The following TPRG1 variants were observed in gnomAD, a reference collection of about 807,000 sequenced individuals.
The protein encoded by TPRG1 is tumor protein p63 regulated 1, also known as tumor protein p63-regulated gene 1 protein.
TPRG1 carries 29 observed loss-of-function variants against 29.3 expected under a neutral mutation model. That is an observed-to-expected ratio of 0.99 (90% CI 0.74 to 1.35). TPRG1 has a LOEUF of 1.35. Ranked by LOEUF, TPRG1 falls within the 40% of genes most tolerant of loss-of-function variation. The pLI is 0.00. For missense variants in TPRG1, 327 were observed against 335.0 expected, an observed-to-expected ratio of 0.98 and a Z score of 0.19; for synonymous variants, 130 against 116.8, an observed-to-expected ratio of 1.11 and a Z score of -0.73.
intron 4 of TPRG1, among the ~76,000 whole-genome samples, chr3:189,279,501 G>A (rs1323703592): frequency 6.6e-6 from 1 of 152,018 alleles, no homozygotes; most frequent in African/African-American, 2.4e-5. Context: ...TTATCTATTT[G>A]GAGAAACTAA....
intron 4 of TPRG1, among the ~76,000 whole-genome samples, chr3:189,043,344 C>T (rs972083907): frequency 1.3e-5 from 2 of 152,126 alleles, no homozygotes; most frequent in African/African-American, 4.8e-5. Context: ...TGAGGAGTGT[C>T]AGATTGTGGA....
intron 5 of TPRG1, among the ~76,000 whole-genome samples, chr3:189,315,179 G>C (rs2109340845): frequency 6.6e-6 from 1 of 152,064 alleles, no homozygotes; most frequent in Middle Eastern, 3.4e-3. Context: ...AATGAGGACA[G>C]TTATTCAGAG....
chr3:189,005,904 T>C (rs1389538596), intron 3 of TPRG1, among the ~76,000 whole-genome samples: 1 of 152,018 alleles, frequency 6.6e-6, no homozygotes, highest in Non-Finnish European at 1.5e-5. Context: ...GGATGAAGCA[T>C]GTAACAGAAA....
intron 3 of TPRG1, among the ~76,000 whole-genome samples, chr3:189,017,246 T>C (rs1712991393): frequency 6.6e-6 from 1 of 151,582 alleles, no homozygotes; most frequent in Admixed American, 6.6e-5. Context: ...TATATTATTA[T>C]ACTTTAAGTT....
At chr3:189,038,614 T>G (rs1377160974) in intron 4 of TPRG1, among the ~76,000 whole-genome samples, 1 of 151,848 alleles carries the variant, frequency 6.6e-6, no homozygotes, top group Non-Finnish European at 1.5e-5. Context: ...GGGAAAAAAA[T>G]GAATGGATCT....
At chr3:189,271,328 G>C (rs1375307079) in intron 4 of TPRG1, among the ~76,000 whole-genome samples, 4 of 152,182 alleles carry the variant, frequency 2.6e-5, no homozygotes, top group Admixed American at 2.6e-4. Context: ...GATGGCCTTT[G>C]TCTGTCAGCA....
chr3:189,271,016 C>T (rs998153810), intron 4 of TPRG1, among the ~76,000 whole-genome samples: 3 of 152,148 alleles, frequency 2.0e-5, no homozygotes, highest in African/African-American at 2.4e-5. Context: ...TGATTGGGTA[C>T]ACACACAAAC....
intron 2 of TPRG1, among the ~76,000 whole-genome samples, chr3:189,212,626 T>C (rs1417381369): frequency 1.3e-5 from 2 of 152,170 alleles, no homozygotes. Context: ...ATATATTCCC[T>C]TCATTTTCAG....
intron 4 of TPRG1, among the ~76,000 whole-genome samples, chr3:189,046,324 C>T (rs1171984433): frequency 3.9e-5 from 6 of 152,150 alleles, no homozygotes; most frequent in Admixed American, 3.3e-4. Flanking sequence ...TAAGCACAGT[C>T]GGTGTGAACT....
At chr3:189,239,081 G>A in intron 4 of TPRG1, 172 bp downstream of exon 4, 1 of 517,662 alleles carries the variant, frequency 1.9e-6, no homozygotes. Context: ...CAGCCTCCAG[G>A]GATACAACTT....
intron 4 of TPRG1, among the ~76,000 whole-genome samples, chr3:189,038,085 T>G (rs956372940): frequency 6.6e-6 from 1 of 151,688 alleles, no homozygotes; most frequent in African/African-American, 2.4e-5. Context: ...CAAAAGTCCA[T>G]AAGTAAATGA....
chr3:189,081,585 T>C (rs946377268), intron 4 of TPRG1, among the ~76,000 whole-genome samples: 1 of 152,174 alleles, frequency 6.6e-6, no homozygotes, highest in Non-Finnish European at 1.5e-5. Flanking sequence ...GAAAAGTTGA[T>C]AAAAATACAG....
chr3:189,137,338 G>A (rs1723886051), intron 3 of TPRG1, among the ~76,000 whole-genome samples: 1 of 149,472 alleles, frequency 6.7e-6, no homozygotes, highest in Non-Finnish European at 1.5e-5. Context: ...GTGTGTGTGT[G>A]TGTGTGTGTG....
rs1239543808 is a variant in TPRG1 at position 188,997,525 on chromosome 3, T to A, written c.-1015-3249T>A. ...TTTGATCTTCTAGAGTGATCAGTTG[T>A]TCCAGTTTGCCAGAGGCTGAGAGGG... On this transcript the variant is annotated intron_variant, in intron 1 of 10. Transcript: ENST00000433971. 4.6e-5 allele frequency among the ~76,000 whole-genome samples: 7 copies of A among 152,286 alleles called. No individual in the cohort carries two copies. In the East Asian group the frequency reaches 1.4e-3, roughly 29 times the overall value.
At chr3:189,005,657 C>T (rs566867862) in intron 3 of TPRG1, among the ~76,000 whole-genome samples, 8 of 152,024 alleles carry the variant, frequency 5.3e-5, no homozygotes, top group South Asian at 4.1e-4. Flanking sequence ...TTTCTGGGCA[C>T]GTACATGTGG....
intron 2 of TPRG1, among the ~76,000 whole-genome samples, chr3:189,209,892 C>G (rs1734993385): frequency 6.6e-6 from 1 of 152,138 alleles, no homozygotes; most frequent in Admixed American, 6.6e-5. Context: ...TCCCAAGATA[C>G]TCAGTGTTTG....
chr3:189,142,045 A>G (rs1417757148), intron 3 of TPRG1, among the ~76,000 whole-genome samples: 1 of 152,206 alleles, frequency 6.6e-6, no homozygotes, highest in Non-Finnish European at 1.5e-5. Context: ...ACTGGGGGAA[A>G]CAGGGTGACA....
intron 1 of TPRG1, among the ~76,000 whole-genome samples, chr3:189,175,909 G>A (rs1387554467): frequency 2.0e-5 from 3 of 152,104 alleles, no homozygotes; most frequent in Non-Finnish European, 2.9e-5. Context: ...TTTTTATTAC[G>A]TAACCTTTGT....
chr3:189,059,547 G>A (rs575530550), intron 4 of TPRG1, among the ~76,000 whole-genome samples: 43 of 151,680 alleles, frequency 2.8e-4, no homozygotes, highest in African/African-American at 5.1e-4. Context: ...AGCTGAGATC[G>A]CGCCACTGCA....
Sources: allele counts gnomAD v4.1 joint callset (sites outside exome capture counted in the v4.1 genomes callset), GRCh38; gene constraint gnomAD v4.1.1; transcripts MANE v1.5; gene names NCBI Gene and HGNC (gene_info 2026-07-23, HGNC 2026-07-21).